Variants in DLG1 observed in about 807,000 individuals in gnomAD.
DLG1 encodes disks large homolog 1.
In DLG1, 42 loss-of-function variants were observed where a neutral mutation model predicts 123.4. The observed-to-expected ratio is 0.34, with a 90% CI of 0.27 to 0.44. DLG1 has a LOEUF of 0.44. Ranked by LOEUF, DLG1 falls within the 20% of genes least tolerant of loss-of-function variation. The pLI is 1.00. For synonymous variants in DLG1, 317 were observed against 356.2 expected, an observed-to-expected ratio of 0.89 and a Z score of 1.24; for missense variants, 942 against 1,082.6, an observed-to-expected ratio of 0.87 and a Z score of 1.82.
chr3:197,278,648 ATT>A (rs1415064366), intron 4 of DLG1, among the ~76,000 whole-genome samples: 2 of 152,088 alleles, frequency 1.3e-5, no homozygotes, highest in Non-Finnish European at 2.9e-5. Context: ...GTCCCTTTAA[ATT>A]TACTACATCA....
intron 4 of DLG1, among the ~76,000 whole-genome samples, chr3:197,239,173 G>C (rs1561623267): frequency 6.6e-6 from 1 of 151,720 alleles, no homozygotes; most frequent in Non-Finnish European, 1.5e-5. Flanking sequence ...AAATAAATAG[G>C]ATAACAGAGT....
chr3:197,239,087 T>C (rs1419445081), intron 4 of DLG1, among the ~76,000 whole-genome samples: 1 of 151,940 alleles, frequency 6.6e-6, no homozygotes, highest in Non-Finnish European at 1.5e-5. Context: ...TTTAACTATA[T>C]GGAATTAAGA....
At chr3:197,114,335 A>G (rs1020878909) in intron 13 of DLG1, among the ~76,000 whole-genome samples, 1 of 152,196 alleles carries the variant, frequency 6.6e-6, no homozygotes, top group Admixed American at 6.5e-5. Context: ...AACACAAAGC[A>G]TCTTACAAGC....
intron 5 of DLG1, among the ~76,000 whole-genome samples, chr3:197,192,199 T>C (rs1317313889): frequency 2.0e-5 from 3 of 151,650 alleles, no homozygotes; most frequent in African/African-American, 7.3e-5. Flanking sequence ...AAAGACAAAA[T>C]GGAAGGAATA....
intron 4 of DLG1, among the ~76,000 whole-genome samples, chr3:197,201,740 T>C (rs931331847): frequency 3.3e-5 from 5 of 152,002 alleles, no homozygotes; most frequent in African/African-American, 9.7e-5. Context: ...AATGACCACG[T>C]TGCCCAAAGC....
intron 23 of DLG1, among the ~76,000 whole-genome samples, chr3:197,056,676 T>C (rs1453817164): frequency 6.6e-6 from 1 of 152,242 alleles, no homozygotes; most frequent in South Asian, 2.1e-4. Context: ...CTGAAGTATA[T>C]GTTTCAAACA....
intron 5 of DLG1, among the ~76,000 whole-genome samples, chr3:197,175,507 C>A (rs541455105): frequency 6.6e-6 from 1 of 152,166 alleles, no homozygotes; most frequent in Non-Finnish European, 1.5e-5. Context: ...CATAGACTTG[C>A]TAGTTTTTAA....
chr3:197,065,288 T>G lies in DLG1; in HGVS notation c.2361A>C (p.Glu787Asp). ...LYGTSVQSVREVAEKGKHCIL... is the reference protein window; with the variant it reads ...LYGTSVQSVRDVAEKGKHCIL... ...GTCTGATGCTTACCTTTTCTGCTAC[T>G]TCTCGTACAGACTGAACACTTGTTC... Residue 787 changes from glutamate to aspartate, a missense_variant, in exon 22 of 25, where the codon GAA (glutamate) becomes GAC (aspartate). Glu to Asp is a conservative substitution (Grantham distance 45, BLOSUM62 2). Transcript: ENST00000667157. 1 of 1,605,398 alleles carries G rather than the reference T, an allele frequency of 6.2e-7. No homozygotes were observed. The highest frequency in any genetic ancestry group is 8.5e-7 in the Non-Finnish European group (1 of 1,177,470).
chr3:197,291,093 T>C (rs1399223223), intron 3 of DLG1, among the ~76,000 whole-genome samples: 2 of 152,156 alleles, frequency 1.3e-5, no homozygotes, highest in Non-Finnish European at 2.9e-5. Flanking sequence ...CAACTCTGAT[T>C]CCAAGGTTCT....
intron 4 of DLG1, among the ~76,000 whole-genome samples, chr3:197,230,551 T>C (rs1742400366): frequency 6.6e-6 from 1 of 152,212 alleles, no homozygotes; most frequent in Non-Finnish European, 1.5e-5. Context: ...AGCTAACAAA[T>C]TTTTTAAGTC....
chr3:197,205,941 G>A (rs765636670), intron 4 of DLG1, among the ~76,000 whole-genome samples: 1 of 152,124 alleles, frequency 6.6e-6, no homozygotes, highest in Non-Finnish European at 1.5e-5. Flanking sequence ...GTCATCTCTC[G>A]GATTCTGTTT....
chr3:197,091,909 T>A (rs983674211), intron 14 of DLG1, among the ~76,000 whole-genome samples: 1 of 152,182 alleles, frequency 6.6e-6, no homozygotes, highest in African/African-American at 2.4e-5. Context: ...AGCATGATTA[T>A]TGTTGAGTTA....
intron 4 of DLG1, among the ~76,000 whole-genome samples, chr3:197,200,229 T>C (rs1724899469): frequency 1.3e-5 from 2 of 152,134 alleles, no homozygotes; most frequent in Non-Finnish European, 2.9e-5. Flanking sequence ...AAATATTTAG[T>C]ACAAGGTTCT....
chr3:197,131,967 C>T (rs79722548), intron 10 of DLG1, among the ~76,000 whole-genome samples: 6,485 of 152,210 alleles, frequency 0.043, 190 homozygotes, highest in Non-Finnish European at 0.056. Context: ...TCAACTATAA[C>T]ACTGATTAGA....
intron 3 of DLG1, among the ~76,000 whole-genome samples, chr3:197,284,906 T>C (rs1482907800): frequency 6.6e-6 from 1 of 152,056 alleles, no homozygotes; most frequent in Non-Finnish European, 1.5e-5. Flanking sequence ...GTCCGATTCC[T>C]GAACGCAGAT....
Position 197,065,357 on chromosome 3 carries a change from T to C in DLG1, c.2292A>G (p.Glu764=). The stretch of plus-strand genomic sequence containing the variant: ...ACTGGCCAGCTTCAATGAATTTATG[T>C]TCCTGGATATCTTTTTCCATCTGCT... The part of the protein sequence containing the change: ...SREQMEKDIQ[E]HKFIEAGQYN... The change falls in exon 22 of 25, where the codon GAA becomes GAG. Residue 764 remains glutamate, a synonymous_variant. Transcript: ENST00000667157. The C allele has an allele frequency of 6.2e-7, 1 of 1,613,534 alleles. No homozygotes were observed. Among genetic ancestry groups the C allele is most frequent in the Non-Finnish European group, 8.5e-7 (1 of 1,179,786 alleles).
At chr3:197,093,347 C>T (rs991064036) in intron 14 of DLG1, among the ~76,000 whole-genome samples, 4 of 152,004 alleles carry the variant, frequency 2.6e-5, no homozygotes, top group African/African-American at 7.2e-5. Flanking sequence ...TTAATAGAGA[C>T]GGGGTTTCAC....
At chr3:197,089,271 T>C (rs1335967869) in intron 15 of DLG1, among the ~76,000 whole-genome samples, 1 of 152,168 alleles carries the variant, frequency 6.6e-6, no homozygotes, top group Non-Finnish European at 1.5e-5. Flanking sequence ...CTCATGCCTG[T>C]AATGCCAGCA....
At chr3:197,086,113 T>A (rs150667053) in intron 15 of DLG1, among the ~76,000 whole-genome samples, 2,302 of 152,196 alleles carry the variant, frequency 0.015, 23 homozygotes, top group Middle Eastern at 0.058. Context: ...TTTACTTTGA[T>A]TAGATACATG....
Sources: allele counts gnomAD v4.1 joint callset (sites outside exome capture counted in the v4.1 genomes callset), GRCh38; gene constraint gnomAD v4.1.1; transcripts MANE v1.5; gene names NCBI Gene and HGNC (gene_info 2026-07-23, HGNC 2026-07-21).